IL1RAPL2: variants seen among roughly 807,000 people sequenced by gnomAD.
The protein encoded by IL1RAPL2 is X-linked interleukin-1 receptor accessory protein-like 2.
Under a neutral mutation model 44.1 loss-of-function variants are expected in IL1RAPL2, and 3 were observed. That is an observed-to-expected ratio of 0.07 (90% CI 0.03 to 0.18). The LOEUF is 0.18. IL1RAPL2 is among the 10% of genes least tolerant of loss of function. The pLI is 1.00. For missense variants in IL1RAPL2, 391 were observed against 496.4 expected (o/e 0.79, Z 2.02); for synonymous variants, 181 against 178.8 (o/e 1.01, Z -0.10).
intron 1 of IL1RAPL2, among the ~76,000 whole-genome samples, chrX:104,602,102 G>A (rs750429476): frequency 5.4e-5 from 6 of 111,726 alleles, no homozygotes; most frequent in Non-Finnish European, 9.4e-5. Flanking sequence ...ACACAGAGAC[G>A]GGTGATTTCT....
rs55781747 is a variant in IL1RAPL2 at position 105,463,570 on chromosome X, CCACACACACACACACA to C, written c.698-20726_698-20711del. ...CTGTCTCTCTGTCTCTCTCTCTCTC[CCACACACACACACACA>C]CACACACACACACACATGCACGCAT... On this transcript the variant is annotated intron_variant, in intron 5 of 10. Transcript: ENST00000372582. 1.6e-4 allele frequency among the ~76,000 whole-genome samples: 16 copies of C among 98,654 alleles called. No homozygotes were observed. In the East Asian group the frequency reaches 1.6e-3, roughly 10 times the overall value. 85.7% of individuals were successfully genotyped at this position (98,654 alleles called of 115,157 possible).
rs186898171 is a variant in IL1RAPL2, at chrX:104,890,453, G to A, written c.82+231458G>A. ...TTCCTATTTCTCCACATCCTCTCCAGCACCTGTTGTTTCCTGACTTTTTAA... is the reference window on the plus strand; with the variant it reads ...TTCCTATTTCTCCACATCCTCTCCAACACCTGTTGTTTCCTGACTTTTTAA... On this transcript the variant is annotated intron_variant, in intron 2 of 10. Coordinates refer to ENST00000372582, the MANE Select transcript of IL1RAPL2 (RefSeq NM_017416.2). Among the ~76,000 whole-genome samples, 177 of 111,898 alleles carry A rather than the reference G, an allele frequency of 1.6e-3. 1 individual carries two copies. The highest frequency in any genetic ancestry group is 4.9e-3 in the African/African-American group (151 of 30,817).
chrX:105,233,410 T>G (rs1556197989), intron 3 of IL1RAPL2, among the ~76,000 whole-genome samples: 1 of 112,377 alleles, frequency 8.9e-6, no homozygotes, highest in African/African-American at 3.2e-5. Context: ...ATAGTAAAAT[T>G]AAACTATCCC....
intron 5 of IL1RAPL2, among the ~76,000 whole-genome samples, chrX:105,443,866 G>C (rs1014124506): frequency 8.9e-6 from 1 of 111,828 alleles, no homozygotes; most frequent in African/African-American, 3.3e-5. Flanking sequence ...ACAGCAGTGG[G>C]ATCGCTGGAT....
intron 9 of IL1RAPL2, among the ~76,000 whole-genome samples, chrX:105,752,761 T>G (rs2038606917): frequency 1.8e-5 from 2 of 112,214 alleles, no homozygotes; most frequent in Non-Finnish European, 3.8e-5. Context: ...GCTGTCTACA[T>G]AAGGCTGAAG....
intron 5 of IL1RAPL2, among the ~76,000 whole-genome samples, chrX:105,288,410 GAA>G (rs60431670): frequency 4.0e-5 from 4 of 99,438 alleles, no homozygotes; most frequent in African/African-American, 1.4e-4. Flanking sequence ...ATCTACTTTT[GAA>G]AAAAAAAAAC....
chrX:105,106,632 T>C (rs1187798135), intron 2 of IL1RAPL2, among the ~76,000 whole-genome samples: 2 of 110,581 alleles, frequency 1.8e-5, no homozygotes, highest in Non-Finnish European at 3.8e-5. Context: ...CAAATCTTTG[T>C]AGGAGAGATT....
At chrX:104,718,810 A>G (rs1255567537) in intron 2 of IL1RAPL2, among the ~76,000 whole-genome samples, 1 of 111,948 alleles carries the variant, frequency 8.9e-6, no homozygotes, top group Non-Finnish European at 1.9e-5. Context: ...TTAAGTTAAG[A>G]GTCAGCAAAC....
intron 2 of IL1RAPL2, among the ~76,000 whole-genome samples, chrX:105,086,598 T>C (rs933870083): frequency 2.7e-5 from 3 of 110,472 alleles, no homozygotes; most frequent in African/African-American, 9.9e-5. Context: ...TATTTCAAAA[T>C]TGCTAAGACA....
intron 1 of IL1RAPL2, among the ~76,000 whole-genome samples, chrX:104,586,825 G>A (rs1377979000): frequency 1.8e-5 from 2 of 112,248 alleles, no homozygotes; most frequent in Non-Finnish European, 3.8e-5. Flanking sequence ...AATTAGAAAA[G>A]CAATTTTCTC....
At chrX:104,781,693 G>A (rs1163908345) in intron 2 of IL1RAPL2, among the ~76,000 whole-genome samples, 3 of 111,983 alleles carry the variant, frequency 2.7e-5, no homozygotes, top group Non-Finnish European at 5.6e-5. Flanking sequence ...AGAATGTGAA[G>A]CAGAAGATGC....
At chrX:105,385,496 C>G (rs1465887567) in intron 5 of IL1RAPL2, among the ~76,000 whole-genome samples, 1 of 110,415 alleles carries the variant, frequency 9.1e-6, no homozygotes, top group East Asian at 2.8e-4. Flanking sequence ...CAACATAGTA[C>G]ATCATACCAT....
chrX:105,292,614 A>G lies in IL1RAPL2; in HGVS notation c.697+25073A>G, dbSNP rs188281450. ...AACAGATTTTCAAAAATATAAAAAC[A>G]ATAACACTCTTCTCATGGCCTTTTT... is the stretch of plus-strand genomic sequence containing the variant. On this transcript the variant is annotated intron_variant, in intron 5 of 10. Coordinates refer to ENST00000372582, the MANE Select transcript of IL1RAPL2 (RefSeq NM_017416.2). 7.9e-3 allele frequency among the ~76,000 whole-genome samples: 886 copies of G among 111,895 alleles called. 4 individuals carry two copies. The highest frequency in any genetic ancestry group is 0.014 in the Non-Finnish European group (741 of 53,158).
At chrX:105,219,719 A>C (rs1556177481) in intron 3 of IL1RAPL2, 4 of 1,203,379 alleles carry the variant, frequency 3.3e-6, no homozygotes, top group Non-Finnish European at 4.5e-6. Flanking sequence ...AGGCCTGGCC[A>C]CCCTGCCCCC....
intron 5 of IL1RAPL2, among the ~76,000 whole-genome samples, chrX:105,298,017 G>A (rs1344417442): frequency 9.2e-6 from 1 of 108,225 alleles, no homozygotes; most frequent in African/African-American, 3.4e-5. Context: ...TGTATTTTTG[G>A]TATAAACATG....
chrX:104,627,453 G>A (rs2148010412), intron 1 of IL1RAPL2, among the ~76,000 whole-genome samples: 1 of 106,708 alleles, frequency 9.4e-6, no homozygotes, highest in Non-Finnish European at 1.9e-5. Context: ...TGCACATTGT[G>A]CACATGTACC....
chrX:104,614,763 A>G (rs1398111725), intron 1 of IL1RAPL2, among the ~76,000 whole-genome samples: 4 of 111,629 alleles, frequency 3.6e-5, no homozygotes, highest in Admixed American at 9.5e-5. Flanking sequence ...CCCTTTATCA[A>G]TACTGTTGTT....
intron 2 of IL1RAPL2, among the ~76,000 whole-genome samples, chrX:104,717,760 C>G (rs183041368): frequency 6.4e-5 from 7 of 108,646 alleles, no homozygotes; most frequent in South Asian, 4.1e-4. Context: ...ATCTCCCCCC[C>G]CCACCCCACA....
At chrX:104,597,358 A>T (rs998332936) in intron 1 of IL1RAPL2, among the ~76,000 whole-genome samples, 4 of 109,857 alleles carry the variant, frequency 3.6e-5, no homozygotes, top group African/African-American at 1.3e-4. Context: ...AAAAAAAAAA[A>T]AAAAAAGAGA....
Sources: allele counts gnomAD v4.1 joint callset (sites outside exome capture counted in the v4.1 genomes callset), GRCh38; gene constraint gnomAD v4.1.1; transcripts MANE v1.5; gene names NCBI Gene and HGNC (gene_info 2026-07-23, HGNC 2026-07-21).